Variants in SCCPDH observed in about 807,000 individuals in gnomAD.
SCCPDH encodes the protein saccharopine dehydrogenase (putative), also known as saccharopine dehydrogenase-like oxidoreductase.
A neutral mutation model predicts 51.5 loss-of-function variants in SCCPDH; 34 were observed. The ratio of observed to expected loss-of-function variants is 0.66; its 90% CI spans 0.50 to 0.88. The LOEUF (loss-of-function observed/expected upper bound fraction) is 0.88. SCCPDH is among the 40% of genes least tolerant of loss of function. SCCPDH has a pLI of 0.00. For missense variants in SCCPDH, 464 were observed against 527.1 expected (o/e 0.88, Z 1.17); for synonymous variants, 187 against 191.3 (o/e 0.98, Z 0.19).
rs892911330 is a variant in SCCPDH, at chr1:246,768,137, A to G, written c.*837A>G. On this transcript the variant is annotated 3_prime_UTR_variant, in exon 12 of 12. Coordinates refer to ENST00000366510, the MANE Select transcript of SCCPDH (RefSeq NM_016002.3). ...ATAATAAACACGTATATACATAGCA[A>G]TCATGTTGTTCATTACCTAAACAAG... 5 of 152,174 alleles carry G rather than the reference A, an allele frequency of 3.3e-5. No individual in the cohort carries two copies. The highest frequency in any genetic ancestry group is 6.5e-5 in the Admixed American group (1 of 15,274). The allele number at this position is 152,174 out of a possible 1,614,324, so 9.4% of individuals were successfully genotyped here.
At chr1:246,749,361 A>G (rs1166873817) in intron 5 of SCCPDH, among the ~76,000 whole-genome samples, 2 of 152,228 alleles carry the variant, frequency 1.3e-5, no homozygotes, top group South Asian at 4.1e-4. Flanking sequence ...CAGTAGCTAC[A>G]TAGGTTTTAT....
intron 5 of SCCPDH, chr1:246,755,501 T>C (rs1387413433): frequency 6.6e-6 from 1 of 152,212 alleles, no homozygotes; most frequent in Non-Finnish European, 1.5e-5. Flanking sequence ...TTTATTTACT[T>C]TTCATTAGTT....
At chr1:246,759,199 T>C (rs1668977316) in intron 7 of SCCPDH, 48 bp downstream of exon 7, 1 of 1,011,718 alleles carries the variant, frequency 9.9e-7, no homozygotes, top group African/African-American at 1.6e-5. Flanking sequence ...TTACAGTTCC[T>C]CTTTCTATTC....
Position 246,766,406 on chromosome 1 carries a change from C to A in SCCPDH, c.1184+267C>A, listed in dbSNP as rs181033515. Among the ~76,000 whole-genome samples the A allele has an allele frequency of 2.0e-5, 3 of 152,258 alleles. No individual in the cohort carries two copies. The East Asian group carries it at 5.8e-4, about 29-fold the overall frequency. On this transcript the variant is annotated intron_variant, in intron 11 of 11. Transcript: ENST00000366510. ...TTAACTTCAGCCCTTTATAAAGATA[C>A]CTCAAGTCCAGAGTCAGCCACTCAA...
At chr1:246,757,680 A>G (rs926101900) in intron 5 of SCCPDH, among the ~76,000 whole-genome samples, 2 of 152,230 alleles carry the variant, frequency 1.3e-5, no homozygotes, top group Non-Finnish European at 2.9e-5. Context: ...TATTTTACTA[A>G]GACTTCAGTA....
chr1:246,730,520 C>T (rs1668477067), intron 2 of SCCPDH, among the ~76,000 whole-genome samples: 1 of 152,210 alleles, frequency 6.6e-6, no homozygotes, highest in African/African-American at 2.4e-5. Context: ...GAGGCCCTCT[C>T]TGTGTGATGG....
At chr1:246,760,751 T>G (rs1199728934) in intron 9 of SCCPDH, among the ~76,000 whole-genome samples, 1 of 152,172 alleles carries the variant, frequency 6.6e-6, no homozygotes, top group Non-Finnish European at 1.5e-5. Flanking sequence ...GTCATTAGCT[T>G]TCATCTCCTT....
Position 246,740,419 on chromosome 1 carries a change from A to G in SCCPDH, c.514+118A>G, listed in dbSNP as rs538865899. The stretch of plus-strand genomic sequence containing the variant: ...AAAGAAACATAGCCATAAATGGGTA[A>G]TATTAAACACATGTTTTGTTTTTAA... On this transcript the variant is annotated intron_variant, in intron 4 of 11. Transcript: ENST00000366510. The G allele has an allele frequency of 5.5e-5, 43 of 787,858 alleles. No homozygotes were observed. The Admixed American group carries it at 9.0e-4, about 16-fold the overall frequency. The allele number at this position is 787,858 out of a possible 1,614,324, so 48.8% of individuals were successfully genotyped here.
intron 4 of SCCPDH, 46 bp downstream of exon 4, chr1:246,740,347 C>T (rs1263002050): frequency 1.8e-5 from 26 of 1,479,486 alleles, no homozygotes; most frequent in Non-Finnish European, 2.3e-5. Flanking sequence ...CAGTACCGTG[C>T]AAAGGCTTCA....
At chr1:246,730,330 G>T (rs1041540279) in intron 2 of SCCPDH, among the ~76,000 whole-genome samples, 1 of 152,132 alleles carries the variant, frequency 6.6e-6, no homozygotes, top group Non-Finnish European at 1.5e-5. Flanking sequence ...TCATCTTCTC[G>T]TAGTTTTCCT....
At chr1:246,744,298 T>TTTTTA (rs1045532742) in intron 5 of SCCPDH, among the ~76,000 whole-genome samples, 173 bp downstream of exon 5, 12 of 151,978 alleles carry the variant, frequency 7.9e-5, no homozygotes, top group Non-Finnish European at 1.3e-4. Flanking sequence ...CTTTATTTTC[T>TTTTTA]TTTTATTTTA....
At chr1:246,745,054 T>G (rs549472788) in intron 5 of SCCPDH, among the ~76,000 whole-genome samples, 1 of 152,368 alleles carries the variant, frequency 6.6e-6, no homozygotes, top group African/African-American at 2.4e-5. Context: ...AATTTTCACC[T>G]TAGTGCAAGT....
intron 2 of SCCPDH, among the ~76,000 whole-genome samples, chr1:246,731,134 A>G (rs1423646044): frequency 5.9e-5 from 9 of 152,204 alleles, no homozygotes; most frequent in Admixed American, 5.9e-4. Context: ...TTGGCCTCAC[A>G]GGGGAGAAGT....
intron 4 of SCCPDH, among the ~76,000 whole-genome samples, chr1:246,741,304 A>T (rs1309878391): frequency 6.6e-6 from 1 of 152,142 alleles, no homozygotes; most frequent in Admixed American, 6.6e-5. Flanking sequence ...AGAAAATACT[A>T]TATAAAATTT....
intron 5 of SCCPDH, 60 bp from the exon 6 acceptor site, chr1:246,758,166 G>A (rs1038427820): frequency 1.6e-6 from 2 of 1,217,834 alleles, no homozygotes; most frequent in Non-Finnish European, 2.3e-6. Flanking sequence ...TAAGTTACTT[G>A]GCTTTACATT....
intron 7 of SCCPDH, 111 bp downstream of exon 7, chr1:246,759,262 A>G (rs765290227): frequency 3.9e-5 from 26 of 669,848 alleles, no homozygotes; most frequent in South Asian, 3.9e-4. Context: ...TAAGTAATAC[A>G]TGTTTCAGCC....
At chr1:246,737,617 G>C (rs923984305) in intron 3 of SCCPDH, among the ~76,000 whole-genome samples, 2 of 151,166 alleles carry the variant, frequency 1.3e-5, no homozygotes, top group African/African-American at 4.9e-5. Flanking sequence ...TTTGATACAG[G>C]GTCTCTCTCT....
intron 5 of SCCPDH, among the ~76,000 whole-genome samples, chr1:246,744,665 G>T (rs1572298641): frequency 6.6e-6 from 1 of 152,112 alleles, no homozygotes; most frequent in Middle Eastern, 3.4e-3. Flanking sequence ...GCCCAGACTG[G>T]AGTGCAGTGG....
chr1:246,740,243 C>T lies in SCCPDH; in HGVS notation c.456C>T (p.Ser152=), dbSNP rs760006487. ...ADKGVYIIGS[S]GFDSIPADLG... ...AAGGGGTTTATATCATTGGAAGCAGCGGCTTTGACTCCATTCCAGCAGATC... is the reference window on the plus strand; with the variant it reads ...AAGGGGTTTATATCATTGGAAGCAGTGGCTTTGACTCCATTCCAGCAGATC... Residue 152 remains serine (S), a synonymous_variant, in exon 4 of 12, where the codon AGC becomes AGT. Coordinates refer to ENST00000366510, the MANE Select transcript of SCCPDH (RefSeq NM_016002.3). 8.7e-6 allele frequency: 14 copies of T among 1,609,036 alleles called. No individual in the cohort carries two copies. Among genetic ancestry groups the T allele is most frequent in the African/African-American group, 6.7e-5 (5 of 74,816 alleles).
Sources: allele counts gnomAD v4.1 joint callset (sites outside exome capture counted in the v4.1 genomes callset), GRCh38; gene constraint gnomAD v4.1.1; transcripts MANE v1.5; gene names NCBI Gene and HGNC (gene_info 2026-07-23, HGNC 2026-07-21).